The following CNTRL variants were observed in gnomAD, a reference collection of about 807,000 sequenced individuals.
CNTRL encodes 110 kDa centrosomal protein.
A neutral mutation model predicts 303.7 loss-of-function variants in CNTRL; 233 were observed. The observed-to-expected ratio is 0.77, with a 90% confidence interval of 0.69 to 0.86. The LOEUF (loss-of-function observed/expected upper bound fraction) is 0.86. Among genes scored for constraint, CNTRL ranks in the 40% least tolerant of loss-of-function variants. The pLI is 0.00. For synonymous variants in CNTRL, 900 were observed against 922.2 expected (o/e 0.98, Z 0.44); for missense variants, 2,524 against 2,650.6 (o/e 0.95, Z 1.05).
chr9:121,177,314 G>GTTTA lies in CNTRL; in HGVS notation c.*129_*132dup. 1.3e-6 allele frequency: 1 copy of GTTTA among 781,088 alleles called. No individual in the cohort carries two copies. Among genetic ancestry groups the GTTTA allele is most frequent in the Non-Finnish European group, 2.2e-6 (1 of 464,394 alleles). 48.4% of individuals were successfully genotyped at this position (781,088 alleles called of 1,614,324 possible). On this transcript the variant is annotated 3_prime_UTR_variant, in exon 44 of 44. Transcript: ENST00000373855. ...ACTGAGATTCTGAAACTCCACTGTA[G>GTTTA]TTTACTTTGCCTGTACCATTAATGC... is the stretch of plus-strand genomic sequence containing the variant.
At chr9:121,086,811 C>T (rs1315666786) in intron 2 of CNTRL, among the ~76,000 whole-genome samples, 1 of 151,932 alleles carries the variant, frequency 6.6e-6, no homozygotes, top group Admixed American at 6.6e-5. Context: ...TGCCACCACA[C>T]CTAGCTAATT....
rs1306992381 is a variant in CNTRL, at chr9:121,092,723, ATATATATATAATATATATC to A, written c.349-2156_349-2138del. On this transcript the variant is annotated intron_variant, in intron 4 of 43. Coordinates refer to ENST00000373855, the MANE Select transcript of CNTRL (RefSeq NM_007018.6). ...ATATCTATATATATAATATATATCT[ATATATATATAATATATATC>A]TATATATAATATATATCTATATATA... is the stretch of plus-strand genomic sequence containing the variant. Among the ~76,000 whole-genome samples, 11 of 12,912 alleles carry A rather than the reference ATATATATATAATATATATC, an allele frequency of 8.5e-4. 5 individuals carry two copies. The highest frequency in any genetic ancestry group is 9.4e-4 in the Non-Finnish European group (6 of 6,376). 8.5% of individuals were successfully genotyped at this position (12,912 alleles called of 152,430 possible). A position where few individuals can be genotyped will look rare whatever the true frequency, so the allele number is the denominator to read the frequency against.
intron 8 of CNTRL, among the ~76,000 whole-genome samples, chr9:121,110,844 T>C (rs1033661579): frequency 6.6e-6 from 1 of 152,170 alleles, no homozygotes; most frequent in Non-Finnish European, 1.5e-5. Flanking sequence ...TTCCAGTTCA[T>C]TTGACATCTA....
intron 14 of CNTRL, among the ~76,000 whole-genome samples, chr9:121,127,079 G>A (rs2050573699): frequency 1.3e-5 from 2 of 152,078 alleles, no homozygotes; most frequent in African/African-American, 4.8e-5. Flanking sequence ...CTTGGCCTCT[G>A]AAAGTGCTCG....
chr9:121,111,239 G>T (rs982365711), intron 8 of CNTRL: 8 of 152,176 alleles, frequency 5.3e-5, no homozygotes, highest in African/African-American at 1.9e-4. Flanking sequence ...ACTTGGAATT[G>T]AATTCTGCCT....
At position 121,141,572 on chromosome 9, in the gene CNTRL, G is replaced by C. The variant is rs267602112; in HGVS notation, c.2675G>C (p.Arg892Thr). The change falls in exon 18 of 44, where the codon AGA (arginine) becomes ACA (threonine). Residue 892 changes from arginine to threonine, a missense_variant. Transcript: ENST00000373855. ...GQEEFRQACE[R>T]ALEARMNFDK... ...GAAGAGTTCAGGCAGGCCTGTGAGA[G>C]AGCCCTGGAAGCAAGAGTAAGACAA... 3 of 1,614,036 alleles carry C rather than the reference G, an allele frequency of 1.9e-6. No individual in the cohort carries two copies. Among genetic ancestry groups the C allele is most frequent in the Non-Finnish European group, 2.5e-6 (3 of 1,179,984 alleles).
chr9:121,155,027 A>C (rs1434488889), intron 27 of CNTRL, 114 bp downstream of exon 27: 1 of 929,968 alleles, frequency 1.1e-6, no homozygotes, highest in African/African-American at 1.6e-5. Flanking sequence ...TCCAAGTCAG[A>C]CAGCCAGGTT....
chr9:121,098,603 G>A, intron 7 of CNTRL, 31 bp downstream of exon 7: 1 of 1,373,716 alleles, frequency 7.3e-7, no homozygotes, highest in Non-Finnish European at 9.9e-7. Context: ...TAATAAATTT[G>A]GGTGAGGGAG....
At chr9:121,095,159 T>A (rs2048836191) in intron 5 of CNTRL, 141 bp downstream of exon 5, 2 of 650,646 alleles carry the variant, frequency 3.1e-6, no homozygotes, top group South Asian at 4.6e-5. Context: ...CAAATGAATG[T>A]CTGTCTCTTC....
intron 15 of CNTRL, among the ~76,000 whole-genome samples, 200 bp from the exon 16 acceptor site, chr9:121,138,345 T>G (rs1354916582): frequency 6.6e-6 from 1 of 152,218 alleles, no homozygotes; most frequent in African/African-American, 2.4e-5. Flanking sequence ...TGCTTACTCC[T>G]TCTTAAGTGT....
chr9:121,113,495 C>T lies in CNTRL; in HGVS notation c.1123-7C>T, dbSNP rs759706751. On this transcript the variant is annotated splice_polypyrimidine_tract_variant and splice_region_variant and intron_variant, in intron 9 of 43. Coordinates refer to ENST00000373855, the MANE Select transcript of CNTRL (RefSeq NM_007018.6). Reference sequence around the variant, plus strand: ...ATTAAACCATAAATCTATTATTTTGCTTTTAGTATGCTGAAATTGATAAAG... The same window carrying T: ...ATTAAACCATAAATCTATTATTTTGTTTTTAGTATGCTGAAATTGATAAAG... 1.3e-6 allele frequency: 2 copies of T among 1,518,666 alleles called. No homozygotes were observed. The highest frequency in any genetic ancestry group is 4.4e-5 in the Admixed American group (2 of 45,960). The allele number at this position is 1,518,666 out of a possible 1,614,324, so 94.1% of individuals were successfully genotyped here.
Position 121,118,500 on chromosome 9 carries a change from A to T in CNTRL, c.1610A>T (p.Gln537Leu). 3.1e-6 allele frequency: 5 copies of T among 1,608,602 alleles called. No individual in the cohort carries two copies. The highest frequency in any genetic ancestry group is 4.2e-6 in the Non-Finnish European group (5 of 1,176,656). ...AAGCAGAAGGAGATTAAGGACCTGC[A>T]AATAGCCATAGATAGCCTGGATTCC... ...AGKQKEIKDL[Q>L]IAIDSLDSKD... Residue 537 changes from glutamine (Q) to leucine (L), a missense_variant, in exon 12 of 44, where the codon CAA becomes CTA. Coordinates refer to ENST00000373855, the MANE Select transcript of CNTRL (RefSeq NM_007018.6).
intron 6 of CNTRL, among the ~76,000 whole-genome samples, 194 bp from the exon 7 acceptor site, chr9:121,098,192 A>G: frequency 6.6e-6 from 1 of 152,202 alleles, no homozygotes; most frequent in Non-Finnish European, 1.5e-5. Flanking sequence ...GAAATAGTGT[A>G]TGGAAAATAC....
intron 19 of CNTRL, among the ~76,000 whole-genome samples, chr9:121,143,095 A>G (rs962753612): frequency 1.3e-5 from 2 of 152,008 alleles, no homozygotes; most frequent in Non-Finnish European, 2.9e-5. Context: ...TCTCAAATAG[A>G]CAATATGACC....
At chr9:121,113,059 T>C (rs1401410215) in intron 9 of CNTRL, among the ~76,000 whole-genome samples, 2 of 152,226 alleles carry the variant, frequency 1.3e-5, no homozygotes, top group African/African-American at 4.8e-5. Flanking sequence ...CAATATCATA[T>C]GATATTTCAT....
chr9:121,173,302 A>G lies in CNTRL; in HGVS notation c.6477A>G (p.Thr2159=), dbSNP rs982488900. 6.2e-7 allele frequency: 1 copy of G among 1,614,120 alleles called. No individual in the cohort carries two copies. Among genetic ancestry groups the G allele is most frequent in the East Asian group, 2.2e-5 (1 of 44,858 alleles). ...RQMEISDAMR[T]LKSEVKDEIR... Reference sequence around the variant, plus strand: ...TGGAAATCAGTGATGCAATGAGGACACTTAAATCTGAGGTGAAGGATGAAA... The same window carrying G: ...TGGAAATCAGTGATGCAATGAGGACGCTTAAATCTGAGGTGAAGGATGAAA... The change falls in exon 41 of 44, where the codon ACA becomes ACG. Residue 2159 remains threonine (T), a synonymous_variant. Transcript: ENST00000373855.
intron 10 of CNTRL, among the ~76,000 whole-genome samples, chr9:121,114,636 C>A (rs748162197): frequency 6.6e-6 from 1 of 152,122 alleles, no homozygotes; most frequent in Non-Finnish European, 1.5e-5. Context: ...GATTTGAGAT[C>A]ATCAACAGCT....
intron 25 of CNTRL, among the ~76,000 whole-genome samples, chr9:121,151,772 A>G (rs2052277948): frequency 6.6e-6 from 1 of 152,154 alleles, no homozygotes; most frequent in South Asian, 2.1e-4. Context: ...GAACACCTGG[A>G]GTTTTTTCCT....
At chr9:121,151,387 CT>C (rs71370632) in intron 25 of CNTRL, among the ~76,000 whole-genome samples, 685 of 90,458 alleles carry the variant, frequency 7.6e-3, no homozygotes, top group Middle Eastern at 0.021. Context: ...TTTTCTTCTT[CT>C]TTTTTTTTTT....
Sources: allele counts gnomAD v4.1 joint callset (sites outside exome capture counted in the v4.1 genomes callset), GRCh38; gene constraint gnomAD v4.1.1; transcripts MANE v1.5; gene names NCBI Gene and HGNC (gene_info 2026-07-23, HGNC 2026-07-21).